The following ARHGAP26 variants were observed in gnomAD, a reference collection of about 807,000 sequenced individuals.
ARHGAP26 encodes the protein Rho GTPase activating protein 26.
Under a neutral mutation model 104.8 loss-of-function variants are expected in ARHGAP26, and 38 were observed. The observed-to-expected ratio is 0.36, with a 90% confidence interval of 0.28 to 0.48. The LOEUF (loss-of-function observed/expected upper bound fraction) is 0.48, where lower values mean the gene tolerates loss of function less well. ARHGAP26 is among the 20% of genes least tolerant of loss of function. ARHGAP26 has a pLI of 0.99. For missense variants in ARHGAP26, 704 were observed against 947.9 expected (o/e 0.74, Z 3.38); for synonymous variants, 341 against 340.0 (o/e 1.00, Z -0.03).
intron 1 of ARHGAP26, among the ~76,000 whole-genome samples, chr5:142,816,268 T>A (rs1765120233): frequency 6.6e-6 from 1 of 152,246 alleles, no homozygotes; most frequent in Non-Finnish European, 1.5e-5. Flanking sequence ...ACTGAGCAGC[T>A]GAGAGCAACT....
chr5:143,161,137 G>A (rs1801188259), intron 20 of ARHGAP26, among the ~76,000 whole-genome samples: 1 of 150,302 alleles, frequency 6.7e-6, no homozygotes, highest in South Asian at 2.1e-4. Flanking sequence ...TCAGCCTCAT[G>A]AGTAGCTGGG....
intron 17 of ARHGAP26, among the ~76,000 whole-genome samples, chr5:143,107,922 G>A (rs1794247003): frequency 6.6e-6 from 1 of 152,226 alleles, no homozygotes; most frequent in Non-Finnish European, 1.5e-5. Flanking sequence ...GTTGAAGTAA[G>A]AACTTTATTG....
At chr5:142,975,289 C>T (rs1357100522) in intron 11 of ARHGAP26, among the ~76,000 whole-genome samples, 2 of 152,036 alleles carry the variant, frequency 1.3e-5, no homozygotes, top group Non-Finnish European at 2.9e-5. Flanking sequence ...ACTGCGTCTA[C>T]AGTAGTGATT....
intron 17 of ARHGAP26, among the ~76,000 whole-genome samples, chr5:143,118,738 C>CTCCA (rs1458900841): frequency 6.6e-6 from 1 of 152,002 alleles, no homozygotes; most frequent in Non-Finnish European, 1.5e-5. Context: ...TGCCACTGCA[C>CTCCA]TCCAGCCTGG....
chr5:142,915,948 T>C (rs938213870), intron 10 of ARHGAP26, among the ~76,000 whole-genome samples: 2 of 152,148 alleles, frequency 1.3e-5, no homozygotes, highest in Non-Finnish European at 2.9e-5. Flanking sequence ...CCAATGTCCT[T>C]TAGCGAGGAG....
chr5:143,174,974 T>G (rs917246906), intron 20 of ARHGAP26, among the ~76,000 whole-genome samples: 1 of 152,240 alleles, frequency 6.6e-6, no homozygotes, highest in South Asian at 2.1e-4. Flanking sequence ...AGTGTAAATC[T>G]GTGATTTAAC....
intron 17 of ARHGAP26, among the ~76,000 whole-genome samples, chr5:143,083,020 A>G (rs1404440976): frequency 2.6e-5 from 4 of 152,166 alleles, no homozygotes; most frequent in Admixed American, 1.3e-4. Context: ...TTGCTGGACC[A>G]TATCGATGAG....
At chr5:143,211,577 A>G (rs1427575424) in intron 21 of ARHGAP26, among the ~76,000 whole-genome samples, 1 of 136,004 alleles carries the variant, frequency 7.4e-6, no homozygotes, top group Non-Finnish European at 1.6e-5. Flanking sequence ...TTACCTACTT[A>G]CTTTTTTTTT....
intron 9 of ARHGAP26, among the ~76,000 whole-genome samples, chr5:142,912,041 G>C (rs1228957007): frequency 1.3e-5 from 2 of 152,198 alleles, no homozygotes; most frequent in Non-Finnish European, 2.9e-5. Context: ...GGGCAAGCTT[G>C]CTAATTTCCC....
At chr5:142,803,303 G>A (rs1027153116) in intron 1 of ARHGAP26, among the ~76,000 whole-genome samples, 2 of 152,094 alleles carry the variant, frequency 1.3e-5, no homozygotes, top group Non-Finnish European at 2.9e-5. Flanking sequence ...TTAACTAGTT[G>A]TTCTGCATTT....
At chr5:142,785,206 T>C (rs1004006393) in intron 1 of ARHGAP26, among the ~76,000 whole-genome samples, 18 of 152,128 alleles carry the variant, frequency 1.2e-4, no homozygotes, top group African/African-American at 4.3e-4. Context: ...CCGGGATTCC[T>C]TAGGATTTTT....
At chr5:143,153,164 T>G (rs121883) in intron 20 of ARHGAP26, among the ~76,000 whole-genome samples, 1 of 151,972 alleles carries the variant, frequency 6.6e-6, no homozygotes, top group East Asian at 1.9e-4. Context: ...GAAAACAACT[T>G]GTAACTGAGA....
intron 22 of ARHGAP26, chr5:143,216,062 TTTTATGTTCCTACC>T (rs759573963): frequency 3.6e-4 from 146 of 406,244 alleles, no homozygotes; most frequent in Non-Finnish European, 5.2e-4. Flanking sequence ...CATTTTACCA[TTTTATGTTCCTACC>T]TTCTTTCATT....
intron 1 of ARHGAP26, among the ~76,000 whole-genome samples, chr5:142,819,629 C>T (rs1187009547): frequency 6.6e-6 from 1 of 152,120 alleles, no homozygotes; most frequent in Non-Finnish European, 1.5e-5. Flanking sequence ...GAAGAGTAGT[C>T]ATATATAGGT....
At chr5:143,018,211 A>T (rs550657499) in intron 12 of ARHGAP26, among the ~76,000 whole-genome samples, 1 of 152,212 alleles carries the variant, frequency 6.6e-6, no homozygotes, top group African/African-American at 2.4e-5. Context: ...TCTTTTTGAT[A>T]TGTAAAAAGT....
chr5:142,973,226 G>T (rs1035441816), intron 11 of ARHGAP26, among the ~76,000 whole-genome samples: 1 of 152,164 alleles, frequency 6.6e-6, no homozygotes, highest in Admixed American at 6.5e-5. Context: ...TCGTTAAAAA[G>T]GCATTGCTCA....
chr5:142,777,038 G>T (rs114088250), intron 1 of ARHGAP26, among the ~76,000 whole-genome samples: 1 of 152,190 alleles, frequency 6.6e-6, no homozygotes, highest in Non-Finnish European at 1.5e-5. Flanking sequence ...ACCTTTTCAT[G>T]TGTTTGTTGG....
intron 10 of ARHGAP26, among the ~76,000 whole-genome samples, chr5:142,928,785 T>A (rs1226180409): frequency 6.6e-6 from 1 of 152,262 alleles, no homozygotes; most frequent in Non-Finnish European, 1.5e-5. Flanking sequence ...GCACAGCAAC[T>A]GGCATATACT....
At chr5:143,188,543 G>A (rs1476051241) in intron 20 of ARHGAP26, among the ~76,000 whole-genome samples, 1 of 152,164 alleles carries the variant, frequency 6.6e-6, no homozygotes, top group Non-Finnish European at 1.5e-5. Flanking sequence ...ATATATAGTA[G>A]AGTACCATTT....
Sources: gnomAD v4.1 joint callset for allele counts (sites outside exome capture counted in the v4.1 genomes callset) on GRCh38, gnomAD v4.1.1 for gene constraint, MANE v1.5 for transcripts, NCBI Gene and HGNC (gene_info 2026-07-23, HGNC 2026-07-21) for gene names.